CELF2: variants seen among roughly 807,000 people sequenced by gnomAD.
CELF2 encodes the protein CUGBP Elav-like family member 2.
Under a neutral mutation model 62.6 loss-of-function variants are expected in CELF2, and 8 were observed. The ratio of observed to expected loss-of-function variants is 0.13; its 90% CI spans 0.07 to 0.23. The LOEUF (loss-of-function observed/expected upper bound fraction) is 0.23, where lower values mean the gene tolerates loss of function less well. CELF2 is among the 10% of genes least tolerant of loss of function. CELF2 has a pLI of 1.00. For missense variants in CELF2, 333 were observed against 671.0 expected (o/e 0.50, Z 5.56); for synonymous variants, 258 against 250.0 (o/e 1.03, Z -0.30).
At chr10:10,825,276 C>T (rs2057295912) in intron 1 of CELF2, among the ~76,000 whole-genome samples, 1 of 152,198 alleles carries the variant, frequency 6.6e-6, no homozygotes. Flanking sequence ...GTGGCGCGAT[C>T]TCGACTCACT....
chr10:11,222,627 G>C (rs1219447424), intron 3 of CELF2, among the ~76,000 whole-genome samples: 1 of 152,200 alleles, frequency 6.6e-6, no homozygotes, highest in African/African-American at 2.4e-5. Flanking sequence ...GAATACTGTA[G>C]TAGCAGCCAT....
intron 3 of CELF2, among the ~76,000 whole-genome samples, chr10:11,221,361 C>G (rs993695108): frequency 6.6e-6 from 1 of 152,184 alleles, no homozygotes; most frequent in Admixed American, 6.5e-5. Context: ...AGGCAACTTG[C>G]AAGATTTTCA....
At chr10:11,163,644 G>A (rs887257019) in intron 1 of CELF2, among the ~76,000 whole-genome samples, 2 of 152,194 alleles carry the variant, frequency 1.3e-5, no homozygotes, top group African/African-American at 4.8e-5. Context: ...TAACAATAAG[G>A]TTGATTAGAG....
At position 11,227,466 on chromosome 10, in the gene CELF2, C is replaced by G. The variant is rs2067022755; in HGVS notation, c.354+9959C>G. On this transcript the variant is annotated intron_variant, in intron 3 of 12. Transcript: ENST00000633077. This position sits in a 1 kb window ranked among gnomAD's most constrained non-coding sequence, Gnocchi z 4.8. Reference sequence around the variant, plus strand: ...AGTCAAGGCAAAGGAGGATGGGTGCCAGGGGTGCCTCTGCATGAAGTGCTG... The same window carrying G: ...AGTCAAGGCAAAGGAGGATGGGTGCGAGGGGTGCCTCTGCATGAAGTGCTG... Among the ~76,000 whole-genome samples the G allele has an allele frequency of 6.6e-6, 1 of 152,224 alleles. No homozygotes were observed.
chr10:10,893,777 A>G (rs1398497118), intron 1 of CELF2, among the ~76,000 whole-genome samples: 1 of 152,152 alleles, frequency 6.6e-6, no homozygotes, highest in Non-Finnish European at 1.5e-5. Flanking sequence ...ACACTTTTAA[A>G]CAATCAGATC....
the CELF2 span, among the ~76,000 whole-genome samples, chr10:10,642,683 T>C: frequency 1.3e-5 from 2 of 152,224 alleles, no homozygotes; most frequent in African/African-American, 4.8e-5. Context: ...AACACTTATT[T>C]TTAACAGGCA....
At chr10:11,221,953 C>T (rs889817264) in intron 3 of CELF2, among the ~76,000 whole-genome samples, 1 of 152,178 alleles carries the variant, frequency 6.6e-6, no homozygotes, top group African/African-American at 2.4e-5. Flanking sequence ...ACAAATGAGC[C>T]TGATCCAATC....
chr10:10,823,792 C>G (rs1237143660), intron 1 of CELF2, among the ~76,000 whole-genome samples: 1 of 152,050 alleles, frequency 6.6e-6, no homozygotes, highest in East Asian at 1.9e-4. Flanking sequence ...TTGCAACGAC[C>G]CTGTAAAGCA....
At chr10:10,669,409 A>G in the CELF2 span, among the ~76,000 whole-genome samples, 2 of 152,236 alleles carry the variant, frequency 1.3e-5, no homozygotes, top group African/African-American at 4.8e-5. Flanking sequence ...GAATTGAGAC[A>G]GAGAGAGACC....
the CELF2 span, among the ~76,000 whole-genome samples, chr10:10,768,604 C>T: frequency 6.8e-6 from 1 of 146,648 alleles, no homozygotes; most frequent in Non-Finnish European, 1.5e-5. Flanking sequence ...GATGGAGTGT[C>T]ATTCTGTTGC....
rs1478780987 is a variant in CELF2, at chr10:11,315,672, G to A, written c.1096+1414G>A. On this transcript the variant is annotated intron_variant, in intron 10 of 12. Transcript: ENST00000633077. This position sits in a 1 kb window ranked among gnomAD's most constrained non-coding sequence, Gnocchi z 5.8. ...CCAAATGGGACGGCTCGTGATTAGC[G>A]TGGAGCCCGTGAAGTGGTAGCTGTG... Among the ~76,000 whole-genome samples, 2 of 152,180 alleles carry A rather than the reference G, an allele frequency of 1.3e-5. No individual in the cohort carries two copies. Among genetic ancestry groups the A allele is most frequent in the Non-Finnish European group, 2.9e-5 (2 of 68,022 alleles).
chr10:11,053,422 A>G (rs2064367676), intron 1 of CELF2, among the ~76,000 whole-genome samples: 1 of 152,290 alleles, frequency 6.6e-6, no homozygotes, highest in African/African-American at 2.4e-5. Context: ...AATGCATTCA[A>G]ACACAGTCAT....
At chr10:10,659,142 A>C in the CELF2 span, among the ~76,000 whole-genome samples, 1 of 152,150 alleles carries the variant, frequency 6.6e-6, no homozygotes, top group Non-Finnish European at 1.5e-5. Flanking sequence ...TAGCTACCTC[A>C]AGAGCCTGAT....
upstream of CELF2, chr10:11,005,135 T>C (rs1290547415): frequency 1.7e-5 from 17 of 985,224 alleles, no homozygotes; most frequent in Non-Finnish European, 2.0e-5. This position sits in a 1 kb window ranked among gnomAD's most constrained non-coding sequence, Gnocchi z 4.3. Flanking sequence ...AGTGTAATAA[T>C]ATGCATAGAC....
Position 11,044,906 on chromosome 10 carries a change from TTTAA to T in CELF2, c.74+26746_74+26749del, listed in dbSNP as rs573058206. Among the ~76,000 whole-genome samples the T allele has an allele frequency of 1.3e-3, 191 of 152,336 alleles. 1 individual carries two copies. Among genetic ancestry groups the T allele is most frequent in the African/African-American group, 4.3e-3 (180 of 41,576 alleles). ...ACGTATTTGAATTGCACATTCATAG[TTTAA>T]TTTATTCTTACTGTGCAGCACATTG... is the stretch of plus-strand genomic sequence containing the variant. On this transcript the variant is annotated intron_variant, in intron 1 of 12. Transcript: ENST00000633077.
chr10:10,718,248 T>C, the CELF2 span, among the ~76,000 whole-genome samples: 1 of 152,174 alleles, frequency 6.6e-6, no homozygotes, highest in Non-Finnish European at 1.5e-5. Context: ...CAAAGACCAC[T>C]AGTGAATTTG....
chr10:10,853,083 A>G (rs2059487805), intron 1 of CELF2, among the ~76,000 whole-genome samples: 1 of 152,140 alleles, frequency 6.6e-6, no homozygotes, highest in Non-Finnish European at 1.5e-5. Context: ...GGTTTAAGTG[A>G]TTCTCCTGCC....
At chr10:10,648,627 G>A in the CELF2 span, among the ~76,000 whole-genome samples, 1 of 152,134 alleles carries the variant, frequency 6.6e-6, no homozygotes, top group Non-Finnish European at 1.5e-5. Context: ...ATGATAGATC[G>A]TGTTCTGGAA....
chr10:10,910,267 CA>C (rs2134339812), intron 1 of CELF2, among the ~76,000 whole-genome samples: 1 of 152,206 alleles, frequency 6.6e-6, no homozygotes, highest in Non-Finnish European at 1.5e-5. Flanking sequence ...CAGCTTAGAG[CA>C]CAATAATTCA....
Sources: allele counts gnomAD v4.1 joint callset (sites outside exome capture counted in the v4.1 genomes callset), GRCh38; gene constraint gnomAD v4.1.1; non-coding constraint Gnocchi (gnomAD v3.1); transcripts MANE v1.5; gene names NCBI Gene and HGNC (gene_info 2026-07-23, HGNC 2026-07-21).